The following OTULINL variants were observed in gnomAD, a reference collection of about 807,000 sequenced individuals.
OTULINL encodes inactive ubiquitin thioesterase OTULINL.
In OTULINL, 42 loss-of-function variants were observed where a neutral mutation model predicts 43.9. The observed-to-expected ratio is 0.96, with a 90% CI of 0.75 to 1.24. OTULINL has a LOEUF of 1.24. Among genes scored for constraint, OTULINL ranks in the 50% most tolerant of loss-of-function variants. The probability of loss-of-function intolerance (pLI) is 0.00; values close to 1 mark genes in which losing one functional copy is unlikely to be tolerated. For missense variants in OTULINL, 411 were observed against 426.4 expected (o/e 0.96, Z 0.32); for synonymous variants, 172 against 153.6 (o/e 1.12, Z -0.88).
At chr5:14,589,920 C>T (rs557224288) in intron 1 of OTULINL, among the ~76,000 whole-genome samples, 26 of 151,704 alleles carry the variant, frequency 1.7e-4, no homozygotes, top group African/African-American at 4.6e-4. Flanking sequence ...CCAGCCTGGG[C>T]GACAGAGTGA....
chr5:14,591,486 A>G (rs1285152091), intron 1 of OTULINL, among the ~76,000 whole-genome samples: 2 of 152,042 alleles, frequency 1.3e-5, no homozygotes, highest in African/African-American at 4.8e-5. Flanking sequence ...CTGTGGGGTG[A>G]AAGGGGCTGA....
chr5:14,610,074 C>T (rs920985698), intron 7 of OTULINL, 67 bp from the exon 8 acceptor site: 29 of 1,402,108 alleles, frequency 2.1e-5, no homozygotes, highest in Admixed American at 3.5e-5. Flanking sequence ...AACACTTCCC[C>T]CCACCGTGGC....
intron 5 of OTULINL, among the ~76,000 whole-genome samples, chr5:14,606,306 C>A (rs1759474877): frequency 6.6e-6 from 1 of 152,152 alleles, no homozygotes; most frequent in African/African-American, 2.4e-5. Flanking sequence ...GACTTGCCCC[C>A]ACGATTCAGT....
chr5:14,592,329 G>A (rs555633571), intron 1 of OTULINL, among the ~76,000 whole-genome samples: 4 of 152,268 alleles, frequency 2.6e-5, no homozygotes, highest in African/African-American at 9.6e-5. Context: ...GATGCAGAGT[G>A]GAAATGATGG....
rs1759657377 is a variant in OTULINL at position 14,615,417 on chromosome 5, C to T, written c.*5103C>T. Among the ~76,000 whole-genome samples, 1 of 152,100 alleles carries T rather than the reference C, an allele frequency of 6.6e-6. No individual in the cohort carries two copies. The highest frequency in any genetic ancestry group is 1.5e-5 in the Non-Finnish European group (1 of 68,030). ...TGGACTAAGATTCATGGAAAGAACC[C>T]CAGGGCAAGGTGAGGAGAAGCAGCT... On this transcript the variant is annotated 3_prime_UTR_variant, in exon 8 of 8. Transcript: ENST00000274217.
chr5:14,598,686 C>T (rs535975346), intron 1 of OTULINL, among the ~76,000 whole-genome samples: 1 of 152,114 alleles, frequency 6.6e-6, no homozygotes, highest in South Asian at 2.1e-4. Flanking sequence ...GCTCCATGCT[C>T]CAGCCTGGGC....
rs749008054 is a variant in OTULINL, at chr5:14,614,456, C to T, written c.*4142C>T. The T allele has an allele frequency of 2.3e-5, 9 of 396,882 alleles. No individual in the cohort carries two copies. Among genetic ancestry groups the T allele is most frequent in the Non-Finnish European group, 4.0e-5 (9 of 225,584 alleles). 24.6% of individuals were successfully genotyped at this position (396,882 alleles called of 1,614,324 possible). On this transcript the variant is annotated 3_prime_UTR_variant, in exon 8 of 8. Transcript: ENST00000274217. ...TTAGTGGGTCCAAATTGTTCAATCACTTCTATGTTATTTGTTCAGAATAGT... is the reference window on the plus strand; with the variant it reads ...TTAGTGGGTCCAAATTGTTCAATCATTTCTATGTTATTTGTTCAGAATAGT...
In OTULINL at chr5:14,610,764, T is replaced by C. The variant is rs1254998055; in HGVS notation, c.*450T>C. ...AACATGGCCTTATTTTATATAAGCA[T>C]TACCTTCCCAGGAATCTTTGTTGTA... On this transcript the variant is annotated 3_prime_UTR_variant, in exon 8 of 8. Coordinates refer to ENST00000274217, the MANE Select transcript of OTULINL (RefSeq NM_019018.3). 1 of 156,524 alleles carries C rather than the reference T, an allele frequency of 6.4e-6. No individual in the cohort carries two copies. The highest frequency in any genetic ancestry group is 1.4e-5 in the Non-Finnish European group (1 of 70,416). The allele number at this position is 156,524 out of a possible 1,614,324, so 9.7% of individuals were successfully genotyped here.
rs1310587126 is a variant in OTULINL, at chr5:14,608,785, G to GA, written c.666dup (p.Gly223ArgfsTer16). 1 of 1,612,112 alleles carries GA rather than the reference G, an allele frequency of 6.2e-7. No individual in the cohort carries two copies. The highest frequency in any genetic ancestry group is 1.1e-5 in the South Asian group (1 of 90,986). On this transcript the variant is annotated frameshift_variant, in exon 7 of 8. Coordinates refer to ENST00000274217, the MANE Select transcript of OTULINL (RefSeq NM_019018.3). LOFTEE classifies it high-confidence loss of function. ...AATGGCATTAGAGATTATCACAAGAGAGGAAGTATGTGCAACACCCTTTTT... is the reference window on the plus strand; with the variant it reads ...AATGGCATTAGAGATTATCACAAGAGAAGGAAGTATGTGCAACACCCTTTTT...
In OTULINL at chr5:14,611,824, T is replaced by G. The variant is rs1257662866; in HGVS notation, c.*1510T>G. 6.6e-6 allele frequency: 1 copy of G among 152,228 alleles called. No individual in the cohort carries two copies. Among genetic ancestry groups the G allele is most frequent in the Non-Finnish European group, 1.5e-5 (1 of 68,042 alleles). The allele number at this position is 152,228 out of a possible 1,614,324, so 9.4% of individuals were successfully genotyped here. A position where few individuals can be genotyped will look rare whatever the true frequency, so the allele number is the denominator to read the frequency against. ...CACAAATCCCTTTCTAAGAATGACTTACTTCACGAGATATTTAGCACTATC... is the reference window on the plus strand; with the variant it reads ...CACAAATCCCTTTCTAAGAATGACTGACTTCACGAGATATTTAGCACTATC... On this transcript the variant is annotated 3_prime_UTR_variant, in exon 8 of 8. Transcript: ENST00000274217.
In OTULINL at chr5:14,607,393, G is replaced by A; in HGVS notation, c.562G>A (p.Glu188Lys). The A allele has an allele frequency of 6.2e-7, 1 of 1,614,166 alleles. No homozygotes were observed. The highest frequency in any genetic ancestry group is 1.1e-5 in the South Asian group (1 of 91,078). ...NWIQQYSFGP[E>K]KYTGSNVFGK... ...GATTCAGCAGTACAGTTTTGGTCCT[G>A]AGAAGTATACAGGCTCGAATGTGTT... The change falls in exon 6 of 8, where the codon GAG becomes AAG. Residue 188 changes from glutamate (E) to lysine (K), a missense_variant. Transcript: ENST00000274217.
intron 5 of OTULINL, among the ~76,000 whole-genome samples, chr5:14,605,404 G>GT (rs1759456820): frequency 6.6e-6 from 1 of 151,208 alleles, no homozygotes; most frequent in Non-Finnish European, 1.5e-5. Flanking sequence ...AATGGGGCGG[G>GT]TGGGGGGGCG....
rs542373592 is a variant in OTULINL at position 14,603,869 on chromosome 5, G to A, written c.498+1537G>A. Among the ~76,000 whole-genome samples, 9 of 152,232 alleles carry A rather than the reference G, an allele frequency of 5.9e-5. No individual in the cohort carries two copies. The East Asian group carries it at 9.6e-4, about 16-fold the overall frequency. On this transcript the variant is annotated intron_variant, in intron 5 of 7. Transcript: ENST00000274217. ...AGGAACTACATTTAAGGATAGAGGT[G>A]CAAAGAAATATAAAATATGTGTGTG...
In OTULINL at chr5:14,607,470, C is replaced by T. The variant is rs146152081; in HGVS notation, c.627+12C>T. The T allele has an allele frequency of 5.0e-5, 81 of 1,611,886 alleles. No homozygotes were observed. The highest frequency in any genetic ancestry group is 4.5e-4 in the Admixed American group (27 of 59,626). On this transcript the variant is annotated intron_variant, in intron 6 of 7. Transcript: ENST00000274217. ...TATTGAAAACACAGGTAAGTGTTTG[C>T]GGGGGAAATAAAAAGACTAGGAATA...
chr5:14,584,917 A>G (rs1175350408), intron 1 of OTULINL, among the ~76,000 whole-genome samples: 1 of 152,198 alleles, frequency 6.6e-6, no homozygotes, highest in Admixed American at 6.5e-5. Context: ...ATCACTAGGC[A>G]GGCAGGTGAA....
intron 1 of OTULINL, among the ~76,000 whole-genome samples, chr5:14,590,463 C>G (rs371461180): frequency 6.6e-6 from 1 of 152,150 alleles, no homozygotes; most frequent in East Asian, 1.9e-4. Context: ...TAGCAATGTT[C>G]TATAAAGTTT....
chr5:14,582,385 C>G (rs1759021091), intron 1 of OTULINL, among the ~76,000 whole-genome samples: 2 of 152,102 alleles, frequency 1.3e-5, no homozygotes, highest in Admixed American at 6.5e-5. Flanking sequence ...TCTCGGGGAG[C>G]TCGACTCGCT....
In OTULINL at chr5:14,582,069, C is replaced by T. The variant is rs918597952; in HGVS notation, c.64+111C>T. 8 of 783,896 alleles carry T rather than the reference C, an allele frequency of 1.0e-5. No individual in the cohort carries two copies. The African/African-American group carries it at 1.1e-4, about 11-fold the overall frequency. The allele number at this position is 783,896 out of a possible 1,614,324, so 48.6% of individuals were successfully genotyped here. On this transcript the variant is annotated intron_variant, in intron 1 of 7. Transcript: ENST00000274217. ...CCCTCCTCGGCGGCCACCTTCGCTG[C>T]CTGTTGGGGGCTGGGAATCCTGGAG...
chr5:14,597,527 G>C (rs1209534893), intron 1 of OTULINL, among the ~76,000 whole-genome samples: 1 of 152,208 alleles, frequency 6.6e-6, no homozygotes, highest in East Asian at 1.9e-4. Flanking sequence ...AATTCCTGTA[G>C]AACACTTAAC....
Sources: allele counts gnomAD v4.1 joint callset (sites outside exome capture counted in the v4.1 genomes callset), GRCh38; gene constraint gnomAD v4.1.1; transcripts MANE v1.5; gene names NCBI Gene and HGNC (gene_info 2026-07-23, HGNC 2026-07-21).